VPS13B: variants seen among roughly 807,000 people sequenced by gnomAD.
The protein encoded by VPS13B is vacuolar protein sorting 13 homolog B, also known as intermembrane lipid transfer protein VPS13B.
Under a neutral mutation model 426.4 loss-of-function variants are expected in VPS13B, and 285 were observed. The ratio of observed to expected loss-of-function variants is 0.67; its 90% CI spans 0.61 to 0.74. The LOEUF (loss-of-function observed/expected upper bound fraction) is 0.74. Ranked by LOEUF, VPS13B falls within the 30% of genes least tolerant of loss-of-function variation. VPS13B has a pLI of 0.00. For synonymous variants in VPS13B, 1,676 were observed against 1,676.4 expected, an observed-to-expected ratio of 1.00 and a Z score of 0.01; for missense variants, 4,537 against 4,782.6, an observed-to-expected ratio of 0.95 and a Z score of 1.51.
In VPS13B at chr8:99,661,347, A is replaced by C. The variant is rs551037919; in HGVS notation, c.5909-7A>C. 6.2e-7 allele frequency: 1 copy of C among 1,613,504 alleles called. No individual in the cohort carries two copies. The highest frequency in any genetic ancestry group is 8.5e-7 in the Non-Finnish European group (1 of 1,179,694). ...TGATGTTTTTAATTTCAATTTTGTCACTTTAGATCCTGGGAAGACTCTGCC... is the reference window on the plus strand; with the variant it reads ...TGATGTTTTTAATTTCAATTTTGTCCCTTTAGATCCTGGGAAGACTCTGCC... On this transcript the variant is annotated splice_polypyrimidine_tract_variant and splice_region_variant and intron_variant, in intron 34 of 61. Transcript: ENST00000357162.
At chr8:99,613,831 T>A (rs1297726761) in intron 33 of VPS13B, 1 of 152,266 alleles carries the variant, frequency 6.6e-6, no homozygotes, top group Non-Finnish European at 1.5e-5. Flanking sequence ...CAGTGACTAT[T>A]CATAGGCGCA....
intron 58 of VPS13B, among the ~76,000 whole-genome samples, chr8:99,862,468 G>C (rs919557152): frequency 2.0e-5 from 3 of 152,212 alleles, no homozygotes; most frequent in African/African-American, 7.2e-5. Flanking sequence ...AGATGGTATA[G>C]TTAGAGGTGA....
At chr8:99,706,436 C>A (rs1832501990) in intron 36 of VPS13B, among the ~76,000 whole-genome samples, 1 of 152,040 alleles carries the variant, frequency 6.6e-6, no homozygotes, top group South Asian at 2.1e-4. Flanking sequence ...AGCTTTTTTC[C>A]CAACAAAGGA....
At position 99,356,601 on chromosome 8, in the gene VPS13B, C is replaced by T. The variant is rs539645385; in HGVS notation, c.2825-27607C>T. Reference sequence around the variant, plus strand: ...GATCAAGGCTGCAGTGAACTGTATTCGGGCCACTGCACTGCAGCCTCAGGG... The same window carrying T: ...GATCAAGGCTGCAGTGAACTGTATTTGGGCCACTGCACTGCAGCCTCAGGG... On this transcript the variant is annotated intron_variant, in intron 19 of 61. Transcript: ENST00000357162. 1.8e-4 allele frequency among the ~76,000 whole-genome samples: 27 copies of T among 152,246 alleles called. No homozygotes were observed. The East Asian group carries it at 2.7e-3, about 15-fold the overall frequency.
intron 30 of VPS13B, among the ~76,000 whole-genome samples, chr8:99,541,218 G>C (rs985129773): frequency 5.9e-5 from 9 of 152,078 alleles, no homozygotes; most frequent in African/African-American, 1.4e-4. Flanking sequence ...AGACAATATA[G>C]TTTAAATATT....
intron 21 of VPS13B, among the ~76,000 whole-genome samples, chr8:99,403,244 C>T (rs1815137207): frequency 6.6e-6 from 1 of 152,008 alleles, no homozygotes; most frequent in Non-Finnish European, 1.5e-5. Context: ...ATACTTAATT[C>T]TCTATGATCA....
intron 19 of VPS13B, among the ~76,000 whole-genome samples, chr8:99,381,590 T>C (rs1010186237): frequency 6.6e-5 from 10 of 152,202 alleles, no homozygotes; most frequent in African/African-American, 2.4e-4. Context: ...GTTTTAATAA[T>C]AGCTGTTCTA....
At chr8:99,854,315 T>TGGGGGTAGCACCTCATTTCAA in intron 56 of VPS13B, 59 bp downstream of exon 56, 1 of 1,562,070 alleles carries the variant, frequency 6.4e-7, no homozygotes, top group East Asian at 2.3e-5. Flanking sequence ...ATGACACGCT[T>TGGGGGTAGCACCTCATTTCAA]GGGGGTAGCA....
intron 40 of VPS13B, among the ~76,000 whole-genome samples, chr8:99,767,747 G>A (rs1000392447): frequency 4.6e-5 from 7 of 152,052 alleles, no homozygotes; most frequent in African/African-American, 1.7e-4. Flanking sequence ...TGGGCAATGT[G>A]GTGAAACCCC....
intron 27 of VPS13B, among the ~76,000 whole-genome samples, chr8:99,504,310 A>C (rs879719616): frequency 2.1e-4 from 32 of 152,232 alleles, no homozygotes; most frequent in African/African-American, 5.8e-4. Context: ...CAGCCTGCAG[A>C]ACCACGAGCC....
chr8:99,372,608 A>G (rs966870002), intron 19 of VPS13B, among the ~76,000 whole-genome samples: 3 of 152,254 alleles, frequency 2.0e-5, no homozygotes, highest in Admixed American at 6.5e-5. Flanking sequence ...TCAAAACCAC[A>G]GTGAGATACC....
At chr8:99,536,549 C>A in intron 30 of VPS13B, 2 of 447,574 alleles carry the variant, frequency 4.5e-6, no homozygotes, top group Non-Finnish European at 4.6e-6. Context: ...ATGTGTGTGG[C>A]ATTTGTACAA....
intron 19 of VPS13B, among the ~76,000 whole-genome samples, chr8:99,318,719 C>T (rs1437419333): frequency 6.6e-6 from 1 of 152,096 alleles, no homozygotes; most frequent in Non-Finnish European, 1.5e-5. Context: ...GACGGGGTTT[C>T]ACCATGATGG....
intron 54 of VPS13B, among the ~76,000 whole-genome samples, chr8:99,848,067 A>G (rs533390798): frequency 1.5e-4 from 23 of 152,258 alleles, no homozygotes; most frequent in African/African-American, 5.3e-4. Flanking sequence ...TGTTTTTTAA[A>G]TAGCCCTGTT....
intron 16 of VPS13B, 65 bp from the exon 17 acceptor site, chr8:99,192,811 T>G: frequency 1.3e-6 from 2 of 1,565,826 alleles, no homozygotes; most frequent in South Asian, 1.1e-5. Flanking sequence ...ACCTAAGTCA[T>G]TTAGTATTTT....
At chr8:99,544,388 C>T (rs1001427546) in intron 30 of VPS13B, among the ~76,000 whole-genome samples, 1 of 151,976 alleles carries the variant, frequency 6.6e-6, no homozygotes, top group Non-Finnish European at 1.5e-5. Flanking sequence ...GGGTGCAGCG[C>T]ACCAGCATGG....
intron 17 of VPS13B, among the ~76,000 whole-genome samples, chr8:99,258,893 T>G (rs1471464615): frequency 1.3e-5 from 2 of 151,966 alleles, no homozygotes; most frequent in African/African-American, 4.8e-5. Context: ...GATGGTAGAG[T>G]TTTTACTAGA....
intron 24 of VPS13B, among the ~76,000 whole-genome samples, chr8:99,479,929 C>G (rs1342831505): frequency 6.6e-6 from 1 of 152,170 alleles, no homozygotes; most frequent in Non-Finnish European, 1.5e-5. Flanking sequence ...AGTGGAATAG[C>G]TGGATCATAT....
At chr8:99,689,462 C>A (rs995824936) in intron 35 of VPS13B, among the ~76,000 whole-genome samples, 4 of 152,092 alleles carry the variant, frequency 2.6e-5, no homozygotes, top group Non-Finnish European at 1.5e-5. Flanking sequence ...AGAGGCACCT[C>A]ACTCATCAAC....
Sources: gnomAD v4.1 joint callset for allele counts (sites outside exome capture counted in the v4.1 genomes callset) on GRCh38, gnomAD v4.1.1 for gene constraint, MANE v1.5 for transcripts, NCBI Gene and HGNC (gene_info 2026-07-23, HGNC 2026-07-21) for gene names.